RBMS1: variants seen among roughly 807,000 people sequenced by gnomAD.
The protein encoded by RBMS1 is RNA-binding motif, single-stranded-interacting protein 1.
In RBMS1, 17 loss-of-function variants were observed where a neutral mutation model predicts 62.3. The observed-to-expected ratio is 0.27, with a 90% confidence interval of 0.19 to 0.41. RBMS1 has a LOEUF of 0.41. Ranked by LOEUF, RBMS1 falls within the 10% of genes least tolerant of loss-of-function variation. The pLI is 1.00. For synonymous variants in RBMS1, 172 were observed against 170.0 expected (o/e 1.01, Z -0.09); for missense variants, 334 against 504.5 (o/e 0.66, Z 3.24).
At chr2:160,352,816 G>A (rs4538150) in intron 2 of RBMS1, among the ~76,000 whole-genome samples, 81,153 of 151,934 alleles carry the variant, frequency 0.53, 22,375 homozygotes, top group Admixed American at 0.65. Context: ...AGTGCCTACC[G>A]CGTTGCATCA....
chr2:160,412,367 G>T (rs1274956286), intron 1 of RBMS1, among the ~76,000 whole-genome samples: 6 of 152,156 alleles, frequency 3.9e-5, no homozygotes, highest in Non-Finnish European at 8.8e-5. Flanking sequence ...GGTTGGAAGG[G>T]TTATAAGCCT....
chr2:160,383,467 C>A (rs1163716639), intron 1 of RBMS1, among the ~76,000 whole-genome samples: 1 of 143,032 alleles, frequency 7.0e-6, no homozygotes, highest in African/African-American at 2.6e-5. Flanking sequence ...GGGGGGGGAA[C>A]TGACCCACTA....
At chr2:160,276,461 T>C (rs973271622) in intron 12 of RBMS1, among the ~76,000 whole-genome samples, 24 of 152,084 alleles carry the variant, frequency 1.6e-4, no homozygotes, top group African/African-American at 4.6e-4. Flanking sequence ...TTTCCTGGAA[T>C]TGGAACCTTT....
At chr2:160,493,198 G>T (rs1402381042) in intron 1 of RBMS1, 91 bp downstream of exon 1, 23 of 1,266,750 alleles carry the variant, frequency 1.8e-5, no homozygotes, top group Non-Finnish European at 2.3e-5. Context: ...GGTGGCGGGG[G>T]TTCGCCGCGC....
At chr2:160,305,812 A>AT (rs1441501061) in intron 4 of RBMS1, among the ~76,000 whole-genome samples, 1 of 152,090 alleles carries the variant, frequency 6.6e-6, no homozygotes, top group African/African-American at 2.4e-5. Context: ...GGACAGAGAT[A>AT]TGGTATAAAA....
chr2:160,430,183 G>A (rs1295025526), intron 1 of RBMS1, among the ~76,000 whole-genome samples: 1 of 152,198 alleles, frequency 6.6e-6, no homozygotes, highest in Non-Finnish European at 1.5e-5. Flanking sequence ...AAATGGAGCA[G>A]AAGAGCCACC....
chr2:160,359,230 G>C (rs959487651), intron 2 of RBMS1, among the ~76,000 whole-genome samples: 1 of 152,090 alleles, frequency 6.6e-6, no homozygotes. Context: ...GAAGAGCTTC[G>C]GGTTTCTAAG....
intron 1 of RBMS1, among the ~76,000 whole-genome samples, chr2:160,462,752 A>C (rs1459815610): frequency 2.0e-5 from 3 of 151,946 alleles, no homozygotes; most frequent in African/African-American, 7.3e-5. Flanking sequence ...GGGCACCCCC[A>C]TGCCCAGCTA....
At chr2:160,288,137 A>G (rs904047497) in intron 6 of RBMS1, among the ~76,000 whole-genome samples, 1 of 151,778 alleles carries the variant, frequency 6.6e-6, no homozygotes, top group Non-Finnish European at 1.5e-5. Flanking sequence ...AGTGTATTCC[A>G]GAAAGTTGTG....
chr2:160,301,329 C>G (rs908927357), intron 5 of RBMS1, among the ~76,000 whole-genome samples: 3 of 152,188 alleles, frequency 2.0e-5, no homozygotes, highest in Non-Finnish European at 2.9e-5. Context: ...ACAACTTAGT[C>G]AATTCCTATA....
chr2:160,427,810 C>T (rs993159546), intron 1 of RBMS1, among the ~76,000 whole-genome samples: 1 of 152,086 alleles, frequency 6.6e-6, no homozygotes, highest in East Asian at 1.9e-4. Flanking sequence ...TAGGCAAGTT[C>T]GAATGTTAAG....
chr2:160,452,933 T>C (rs1684053972), intron 1 of RBMS1, among the ~76,000 whole-genome samples: 1 of 152,196 alleles, frequency 6.6e-6, no homozygotes, highest in Non-Finnish European at 1.5e-5. Flanking sequence ...TTACATTTGC[T>C]CAAGTCACTT....
intron 2 of RBMS1, among the ~76,000 whole-genome samples, chr2:160,346,201 C>T (rs578046154): frequency 3.3e-5 from 5 of 152,084 alleles, no homozygotes; most frequent in Non-Finnish European, 5.9e-5. Flanking sequence ...CAGAGATGGG[C>T]TGCGATATTA....
intron 1 of RBMS1, among the ~76,000 whole-genome samples, chr2:160,375,507 A>C (rs1176784295): frequency 6.6e-6 from 1 of 152,200 alleles, no homozygotes; most frequent in African/African-American, 2.4e-5. Flanking sequence ...TAACCATAGT[A>C]ACTTAAGATC....
chr2:160,303,977 C>G (rs1405717942), intron 4 of RBMS1, among the ~76,000 whole-genome samples: 1 of 152,062 alleles, frequency 6.6e-6, no homozygotes, highest in Non-Finnish European at 1.5e-5. Context: ...AAAGTTCACA[C>G]TACTTTTGAG....
At chr2:160,492,049 A>G (rs1009260714) in intron 1 of RBMS1, among the ~76,000 whole-genome samples, 1 of 152,236 alleles carries the variant, frequency 6.6e-6, no homozygotes, top group African/African-American at 2.4e-5. Context: ...CGTGGACCAC[A>G]CACATTCTAA....
chr2:160,345,381 G>T (rs1692118914), intron 2 of RBMS1, among the ~76,000 whole-genome samples: 2 of 152,144 alleles, frequency 1.3e-5, no homozygotes, highest in Non-Finnish European at 2.9e-5. Flanking sequence ...GTGTTTCAGG[G>T]ACCACTGTGG....
At chr2:160,456,862 T>C (rs1284796246) in intron 1 of RBMS1, among the ~76,000 whole-genome samples, 1 of 152,100 alleles carries the variant, frequency 6.6e-6, no homozygotes, top group African/African-American at 2.4e-5. Context: ...CAATACATTT[T>C]TCACAAAGTC....
rs377094528 is a variant in RBMS1 at position 160,296,619 on chromosome 2, C to T, written c.640+4032G>A. ...GGCTGGAATGAATCTAACTTCAAAA[C>T]ACCTCAATGTTTCTTGGCTGTGTCT... On this transcript the variant is annotated intron_variant, in intron 6 of 13. Coordinates refer to ENST00000348849, the MANE Select transcript of RBMS1 (RefSeq NM_016836.4). Among the ~76,000 whole-genome samples the T allele has an allele frequency of 2.3e-4, 35 of 152,322 alleles. 1 individual carries two copies. The East Asian group carries it at 2.9e-3, about 13-fold the overall frequency.
Sources: allele counts gnomAD v4.1 joint callset (sites outside exome capture counted in the v4.1 genomes callset), GRCh38; gene constraint gnomAD v4.1.1; transcripts MANE v1.5; gene names NCBI Gene and HGNC (gene_info 2026-07-23, HGNC 2026-07-21).